FECH: variants seen among roughly 807,000 people sequenced by gnomAD.
FECH encodes the protein ferrochelatase, mitochondrial.
FECH carries 40 observed loss-of-function variants against 56.9 expected under a neutral mutation model. The observed-to-expected ratio is 0.70, with a 90% CI of 0.55 to 0.92. FECH has a LOEUF of 0.92. Among genes scored for constraint, FECH ranks in the 40% least tolerant of loss-of-function variants. The pLI, the probability that FECH is intolerant of heterozygous loss-of-function variation, is 0.00. For synonymous variants in FECH, 175 were observed against 198.6 expected (o/e 0.88, Z 1.00); for missense variants, 431 against 529.1 (o/e 0.81, Z 1.82).
At chr18:57,571,574 A>G in intron 3 of FECH, 34 bp from the exon 4 acceptor site, 1 of 1,614,146 alleles carries the variant, frequency 6.2e-7, no homozygotes, top group Non-Finnish European at 8.5e-7. Flanking sequence ...AGTGGATTTT[A>G]TTCCAGCTTA....
Position 57,564,896 on chromosome 18 carries a change from T to G in FECH, c.598+1551A>C, listed in dbSNP as rs534642966. ...ATGTGACTGAGAAATGTGTTTGTGA[T>G]AAAGACACACACTGGCTCTGCCACA... On this transcript the variant is annotated intron_variant, in intron 5 of 10. Coordinates refer to ENST00000262093, the MANE Select transcript of FECH (RefSeq NM_000140.5). Among the ~76,000 whole-genome samples, 4 of 152,310 alleles carry G rather than the reference T, an allele frequency of 2.6e-5. No individual in the cohort carries two copies. In the South Asian group the frequency reaches 8.3e-4, roughly 32 times the overall value.
rs1168597877 is a variant in FECH at position 57,545,850 on chromosome 18, A to C, written c.*4862T>G. 4.6e-5 allele frequency among the ~76,000 whole-genome samples: 7 copies of C among 152,224 alleles called. No homozygotes were observed. The highest frequency in any genetic ancestry group is 4.4e-5 in the Non-Finnish European group (3 of 68,046). On this transcript the variant is annotated 3_prime_UTR_variant, in exon 11 of 11. Transcript: ENST00000262093. ...AAAATAGAAAGTTTGTAAAATGATC[A>C]AAATTTTAGATATGCAGGATAAATA...
Position 57,551,157 on chromosome 18 carries a change from GA to G in FECH, c.1137+157del, listed in dbSNP as rs953786061. ...ATCAGAAAATTGGGGCTATCTGAAG[GA>G]AAAAAGACTGAGCAGATAAGGAATT... On this transcript the variant is annotated intron_variant, in intron 10 of 10. Coordinates refer to ENST00000262093, the MANE Select transcript of FECH (RefSeq NM_000140.5). 19 of 676,544 alleles carry G rather than the reference GA, an allele frequency of 2.8e-5. No individual in the cohort carries two copies. In the African/African-American group the frequency reaches 3.3e-4, roughly 12 times the overall value. 41.9% of individuals were successfully genotyped at this position (676,544 alleles called of 1,614,324 possible).
intron 2 of FECH, among the ~76,000 whole-genome samples, chr18:57,576,037 G>C (rs2051181151): frequency 6.6e-6 from 1 of 152,122 alleles, no homozygotes; most frequent in South Asian, 2.1e-4. Flanking sequence ...CAGCACTACT[G>C]ACGTTTGGGG....
chr18:57,573,473 T>C, intron 2 of FECH, 108 bp from the exon 3 acceptor site: 3 of 1,322,948 alleles, frequency 2.3e-6, no homozygotes, highest in Non-Finnish European at 3.2e-6. Flanking sequence ...CAAAGGTAAA[T>C]ACTATGGCTC....
intron 9 of FECH, among the ~76,000 whole-genome samples, chr18:57,551,592 C>A (rs751244014): frequency 3.3e-5 from 5 of 151,842 alleles, no homozygotes; most frequent in Non-Finnish European, 7.4e-5. Flanking sequence ...ATTCTTATGT[C>A]CTTCCCCTTC....
chr18:57,582,685 G>A (rs922611447), intron 1 of FECH, among the ~76,000 whole-genome samples: 19 of 151,732 alleles, frequency 1.3e-4, no homozygotes, highest in African/African-American at 2.9e-4. Context: ...AGGCCGAGGC[G>A]GGTGGATCAC....
At chr18:57,565,988 C>G (rs1598995647) in intron 5 of FECH, among the ~76,000 whole-genome samples, 1 of 152,330 alleles carries the variant, frequency 6.6e-6, no homozygotes, top group African/African-American at 2.4e-5. Context: ...TTACCAGCAA[C>G]CAACTCATAA....
chr18:57,561,707 C>T (rs1347760349), intron 6 of FECH, among the ~76,000 whole-genome samples: 1 of 152,186 alleles, frequency 6.6e-6, no homozygotes, highest in African/African-American at 2.4e-5. Context: ...CTCACTTGAT[C>T]AGGGCAGGCA....
intron 1 of FECH, among the ~76,000 whole-genome samples, chr18:57,580,527 G>A (rs1203694662): frequency 6.6e-6 from 1 of 151,120 alleles, no homozygotes; most frequent in Non-Finnish European, 1.5e-5. Context: ...TGACAGTAGC[G>A]TGCTGCTCCT....
rs1372792578 is a variant in FECH, at chr18:57,544,781, T to C, written c.*5931A>G. Among the ~76,000 whole-genome samples the C allele has an allele frequency of 2.0e-5, 3 of 152,232 alleles. No individual in the cohort carries two copies. The highest frequency in any genetic ancestry group is 3.8e-4 in the East Asian group (2 of 5,204). Reference sequence around the variant, plus strand: ...TACTGTGTTATTAACGTTTTTCCCATCACTTTCTTAAGTCTAAATAATCAA... The same window carrying C: ...TACTGTGTTATTAACGTTTTTCCCACCACTTTCTTAAGTCTAAATAATCAA... On this transcript the variant is annotated 3_prime_UTR_variant, in exon 11 of 11. Coordinates refer to ENST00000262093, the MANE Select transcript of FECH (RefSeq NM_000140.5).
intron 7 of FECH, among the ~76,000 whole-genome samples, chr18:57,557,669 T>C (rs2050886213): frequency 6.6e-6 from 1 of 152,114 alleles, no homozygotes; most frequent in Non-Finnish European, 1.5e-5. Context: ...TGGTTGCGTG[T>C]GCCTGTGGTC....
At chr18:57,563,950 C>A (rs181548501) in intron 5 of FECH, among the ~76,000 whole-genome samples, 10 of 152,276 alleles carry the variant, frequency 6.6e-5, no homozygotes, top group Non-Finnish European at 1.3e-4. Flanking sequence ...GCGATCTCAG[C>A]TTACCGCAAC....
intron 2 of FECH, among the ~76,000 whole-genome samples, chr18:57,579,313 G>GTGTGTGTGTGTGTATA (rs531089366): frequency 2.4e-4 from 34 of 143,844 alleles, no homozygotes; most frequent in African/African-American, 8.4e-4. Flanking sequence ...GTGTGTGTGT[G>GTGTGTGTGTGTGTATA]TATATATTCA....
chr18:57,551,399 A>G, intron 9 of FECH, 25 bp from the exon 10 acceptor site: 2 of 1,585,978 alleles, frequency 1.3e-6, no homozygotes, highest in Middle Eastern at 1.7e-4. Flanking sequence ...AAAAGGGAGG[A>G]AAAACACAGA....
chr18:57,557,354 C>T (rs953492249), intron 7 of FECH, among the ~76,000 whole-genome samples: 1 of 152,178 alleles, frequency 6.6e-6, no homozygotes, highest in East Asian at 1.9e-4. Context: ...CCTCCCCATA[C>T]CTGACTTATC....
intron 3 of FECH, 192 bp from the exon 4 acceptor site, chr18:57,571,732 CCTCT>C (rs1276835415): frequency 1.4e-6 from 1 of 704,814 alleles, no homozygotes; most frequent in Non-Finnish European, 2.3e-6. Context: ...AAAGCTATAC[CCTCT>C]CTGAGGAATA....
chr18:57,582,463 C>A (rs1286981183), intron 1 of FECH, among the ~76,000 whole-genome samples: 1 of 151,918 alleles, frequency 6.6e-6, no homozygotes, highest in African/African-American at 2.4e-5. Flanking sequence ...CTCCTTCAAA[C>A]CTAAAAAAAG....
chr18:57,581,459 A>G (rs1216943032), intron 1 of FECH, among the ~76,000 whole-genome samples: 1 of 152,234 alleles, frequency 6.6e-6, no homozygotes, highest in Non-Finnish European at 1.5e-5. Context: ...GCCTGGTGCT[A>G]TGCACATGAC....
Sources: allele counts gnomAD v4.1 joint callset (sites outside exome capture counted in the v4.1 genomes callset), GRCh38; gene constraint gnomAD v4.1.1; transcripts MANE v1.5; gene names NCBI Gene and HGNC (gene_info 2026-07-23, HGNC 2026-07-21).